Variants in CTTNBP2NL observed in about 807,000 individuals in gnomAD.
CTTNBP2NL encodes the protein CTTNBP2 N-terminal like, also known as CTTNBP2 N-terminal-like protein.
A neutral mutation model predicts 32.5 loss-of-function variants in CTTNBP2NL; 16 were observed. That is an observed-to-expected ratio of 0.49 (90% confidence interval 0.33 to 0.75). The LOEUF is 0.75. CTTNBP2NL is among the 30% of genes least tolerant of loss of function. CTTNBP2NL has a pLI of 0.02. For synonymous variants in CTTNBP2NL, 298 were observed against 289.4 expected (o/e 1.03, Z -0.30); for missense variants, 645 against 756.0 (o/e 0.85, Z 1.72).
At chr1:112,395,433 C>T (rs1439497794), upstream of CTTNBP2NL, among the ~76,000 whole-genome samples, 2 of 152,300 alleles carry the variant, frequency 1.3e-5, no homozygotes, top group Admixed American at 1.3e-4. Context: ...GGCAGACATT[C>T]CTTGCATCCT....
intron 3 of CTTNBP2NL, among the ~76,000 whole-genome samples, chr1:112,447,001 G>A (rs1165926012): frequency 3.3e-5 from 5 of 152,042 alleles, no homozygotes; most frequent in South Asian, 2.1e-4. Flanking sequence ...TCAGCCAGGC[G>A]CAGTGGCTCA....
chr1:112,427,418 T>C (rs1649434602), intron 3 of CTTNBP2NL, among the ~76,000 whole-genome samples: 1 of 152,188 alleles, frequency 6.6e-6, no homozygotes, highest in Admixed American at 6.5e-5. Context: ...GTAAAAAAAT[T>C]CAGGGTTTGT....
At chr1:112,432,082 T>A (rs2101016880) in intron 3 of CTTNBP2NL, among the ~76,000 whole-genome samples, 1 of 141,142 alleles carries the variant, frequency 7.1e-6, no homozygotes, top group Middle Eastern at 3.5e-3. Flanking sequence ...TTTTTTTTTT[T>A]TTTTTTTTTG....
chr1:112,457,481 A>G lies in CTTNBP2NL; in HGVS notation c.*69A>G. ...GTCCAAAAGCTCAGTCAGACTTCTG[A>G]GTCAGATTATGTTATTTATTTTGAT... is the stretch of plus-strand genomic sequence containing the variant. On this transcript the variant is annotated 3_prime_UTR_variant, in exon 6 of 6. Transcript: ENST00000271277. 1 of 1,320,934 alleles carries G rather than the reference A, an allele frequency of 7.6e-7. No homozygotes were observed. Among genetic ancestry groups the G allele is most frequent in the Non-Finnish European group, 1.1e-6 (1 of 949,828 alleles). The allele number at this position is 1,320,934 out of a possible 1,614,324, so 81.8% of individuals were successfully genotyped here.
intron 3 of CTTNBP2NL, among the ~76,000 whole-genome samples, chr1:112,422,178 T>C (rs1237191482): frequency 2.0e-5 from 3 of 152,188 alleles, no homozygotes; most frequent in Non-Finnish European, 4.4e-5. Context: ...ACTGATCTGC[T>C]TTCTGTCATC....
intron 1 of CTTNBP2NL, among the ~76,000 whole-genome samples, chr1:112,399,617 T>C (rs1269764655): frequency 6.6e-6 from 1 of 152,138 alleles, no homozygotes; most frequent in Non-Finnish European, 1.5e-5. Context: ...TTTTTCTGAG[T>C]GGAGCAGAAT....
chr1:112,406,389 G>A (rs1648666816), intron 1 of CTTNBP2NL, among the ~76,000 whole-genome samples: 1 of 152,200 alleles, frequency 6.6e-6, no homozygotes, highest in Non-Finnish European at 1.5e-5. Context: ...GATGTAAGCA[G>A]TGGTTACCAA....
chr1:112,413,751 T>G (rs1310240875), intron 2 of CTTNBP2NL, among the ~76,000 whole-genome samples: 1 of 152,166 alleles, frequency 6.6e-6, no homozygotes, highest in African/African-American at 2.4e-5. Context: ...TGAAATTCAC[T>G]TGTTAGAAAA....
chr1:112,457,046 A>G lies in CTTNBP2NL; in HGVS notation c.1554A>G (p.Pro518=), dbSNP rs769084182. The change falls in exon 6 of 6, where the codon CCA becomes CCG. Residue 518 remains proline (P), a synonymous_variant. Transcript: ENST00000271277. ...CCAGATTCACTAGCCAACAAGGGCC[A>G]ATCAAGCCAGTCTCTCCCAACAGCT... ...VLSRFTSQQG[P]IKPVSPNSSP... 6.2e-7 allele frequency: 1 copy of G among 1,614,208 alleles called. No homozygotes were observed. Among genetic ancestry groups the G allele is most frequent in the South Asian group, 1.1e-5 (1 of 91,088 alleles).
rs1650539590 is a variant in CTTNBP2NL at position 112,461,086 on chromosome 1, G to A, written c.*3674G>A. 1 of 152,166 alleles carries A rather than the reference G, an allele frequency of 6.6e-6. No individual in the cohort carries two copies. The highest frequency in any genetic ancestry group is 1.5e-5 in the Non-Finnish European group (1 of 68,038). 9.4% of individuals were successfully genotyped at this position (152,166 alleles called of 1,614,324 possible). ...TAATTTAATTTCTATAAAACTAGTTGAGAAATGAGAGCCTGTCCACCCACC... is the reference window on the plus strand; with the variant it reads ...TAATTTAATTTCTATAAAACTAGTTAAGAAATGAGAGCCTGTCCACCCACC... On this transcript the variant is annotated 3_prime_UTR_variant, in exon 6 of 6. Coordinates refer to ENST00000271277, the MANE Select transcript of CTTNBP2NL (RefSeq NM_018704.3).
intron 1 of CTTNBP2NL, among the ~76,000 whole-genome samples, chr1:112,408,220 A>ATTTTTTTTTTTT (rs397981257): frequency 1.3e-4 from 13 of 103,762 alleles, no homozygotes; most frequent in East Asian, 2.6e-4. Flanking sequence ...TTTTTTTTTA[A>ATTTTTTTTTTTT]TTTTTTTTTT....
intron 4 of CTTNBP2NL, among the ~76,000 whole-genome samples, chr1:112,452,335 C>CTTTTTTT (rs1157736195): frequency 3.0e-5 from 2 of 65,720 alleles, no homozygotes; most frequent in African/African-American, 1.2e-4. Flanking sequence ...CCAGTCTCTT[C>CTTTTTTT]TTTTTTTTTT....
At chr1:112,412,901 G>A (rs184549231) in intron 2 of CTTNBP2NL, among the ~76,000 whole-genome samples, 104 of 152,278 alleles carry the variant, frequency 6.8e-4, no homozygotes, top group Non-Finnish European at 1.2e-3. Flanking sequence ...TGGGATTACA[G>A]GTGTGGGTAA....
chr1:112,450,767 CT>C lies in CTTNBP2NL; in HGVS notation c.330+1612del, dbSNP rs34309573. Among the ~76,000 whole-genome samples, 554 of 133,886 alleles carry C rather than the reference CT, an allele frequency of 4.1e-3. 3 individuals are homozygous for C. Among genetic ancestry groups the C allele is most frequent in the African/African-American group, 0.012 (434 of 35,924 alleles). The allele number at this position is 133,886 out of a possible 152,430, so 87.8% of individuals were successfully genotyped here. ...TTTTGAAACAAAGTACCTATCTATT[CT>C]TTTTTTTTTTTTTTTTGAGGTGAAG... On this transcript the variant is annotated intron_variant, in intron 4 of 5. Coordinates refer to ENST00000271277, the MANE Select transcript of CTTNBP2NL (RefSeq NM_018704.3).
chr1:112,396,224 G>A lies in CTTNBP2NL; in HGVS notation c.-182G>A, dbSNP rs1228961580. On this transcript the variant is annotated 5_prime_UTR_variant, in exon 1 of 6. Coordinates refer to ENST00000271277, the MANE Select transcript of CTTNBP2NL (RefSeq NM_018704.3). ...AGGGGGCGGAGCCTCAGCCGCTGTGGATGGGGAGTGGAGGCGGAGGGGAGC... is the reference window on the plus strand; with the variant it reads ...AGGGGGCGGAGCCTCAGCCGCTGTGAATGGGGAGTGGAGGCGGAGGGGAGC... 6.6e-6 allele frequency: 1 copy of A among 152,396 alleles called. No individual in the cohort carries two copies. The highest frequency in any genetic ancestry group is 1.5e-5 in the Non-Finnish European group (1 of 68,206). The allele number at this position is 152,396 out of a possible 1,614,324, so 9.4% of individuals were successfully genotyped here.
Position 112,457,156 on chromosome 1 carries a change from T to C in CTTNBP2NL, c.1664T>C (p.Val555Ala), listed in dbSNP as rs750136212. Residue 555 changes from valine (V) to alanine (A), a missense_variant, in exon 6 of 6, where the codon GTG (valine) becomes GCG (alanine). Transcript: ENST00000271277. ...AGCCATTCACCTACTCCAGGGAAAG[T>C]GTCCAGTCCCCTGAGCCCCCTGTCT... ...DTSHSPTPGK[V>A]SSPLSPLSPG... is the part of the protein sequence containing the mutation. The C allele has an allele frequency of 6.2e-7, 1 of 1,614,128 alleles. No homozygotes were observed. Among genetic ancestry groups the C allele is most frequent in the Admixed American group, 1.7e-5 (1 of 60,016 alleles).
chr1:112,391,955 C>A (rs557286392), upstream of CTTNBP2NL, among the ~76,000 whole-genome samples: 36 of 151,248 alleles, frequency 2.4e-4, no homozygotes, highest in African/African-American at 8.6e-4. Flanking sequence ...TGGGCCGCTG[C>A]ACTCCAGTCT....
intron 3 of CTTNBP2NL, among the ~76,000 whole-genome samples, chr1:112,440,426 G>A (rs1196224440): frequency 6.6e-6 from 1 of 152,102 alleles, no homozygotes; most frequent in Non-Finnish European, 1.5e-5. Context: ...CAGATTTCTT[G>A]CATTCTTCAT....
At chr1:112,438,140 G>C (rs1570737287) in intron 3 of CTTNBP2NL, among the ~76,000 whole-genome samples, 1 of 152,246 alleles carries the variant, frequency 6.6e-6, no homozygotes, top group South Asian at 2.1e-4. Context: ...TGTGGTGTAA[G>C]GACATTTTAA....
Sources: gnomAD v4.1 joint callset for allele counts (sites outside exome capture counted in the v4.1 genomes callset) on GRCh38, gnomAD v4.1.1 for gene constraint, MANE v1.5 for transcripts, NCBI Gene and HGNC (gene_info 2026-07-23, HGNC 2026-07-21) for gene names.